TNIK: variants seen among roughly 807,000 people sequenced by gnomAD.
The protein encoded by TNIK is TRAF2 and NCK-interacting protein kinase.
TNIK carries 49 observed loss-of-function variants against 191.3 expected under a neutral mutation model. That is an observed-to-expected ratio of 0.26 (90% CI 0.20 to 0.32). The LOEUF is 0.32. Among genes scored for constraint, TNIK ranks in the 10% least tolerant of loss-of-function variants. The pLI is 1.00. For missense variants in TNIK, 1,155 were observed against 1,702.3 expected (o/e 0.68, Z 5.66); for synonymous variants, 594 against 600.9 (o/e 0.99, Z 0.17).
At chr3:171,122,658 T>A (rs1178426236) in intron 18 of TNIK, among the ~76,000 whole-genome samples, 1 of 152,228 alleles carries the variant, frequency 6.6e-6, no homozygotes, top group Non-Finnish European at 1.5e-5. Flanking sequence ...GATATGTGCA[T>A]GTAATCATAA....
chr3:171,184,918 CAG>C (rs1404050199), intron 7 of TNIK, among the ~76,000 whole-genome samples: 1 of 152,128 alleles, frequency 6.6e-6, no homozygotes, highest in Non-Finnish European at 1.5e-5. Flanking sequence ...GTCTCATAAA[CAG>C]AGTTTAGGCA....
chr3:171,084,397 C>T (rs1721080254), intron 25 of TNIK, 72 bp from the exon 26 acceptor site: 2 of 1,489,772 alleles, frequency 1.3e-6, no homozygotes, highest in South Asian at 1.3e-5. Context: ...CTTCAAAACA[C>T]TATGATTTCT....
At chr3:171,372,109 G>C (rs1379165192) in intron 1 of TNIK, among the ~76,000 whole-genome samples, 1 of 152,108 alleles carries the variant, frequency 6.6e-6, no homozygotes, top group Non-Finnish European at 1.5e-5. Context: ...CTCAGAGCTG[G>C]GGTTAGTAGG....
chr3:171,416,912 A>C (rs1723162230), intron 1 of TNIK, among the ~76,000 whole-genome samples: 1 of 152,236 alleles, frequency 6.6e-6, no homozygotes, highest in African/African-American at 2.4e-5. Flanking sequence ...GGCAGTAGAA[A>C]TGATACCTGG....
chr3:171,414,908 A>G (rs932259270), intron 1 of TNIK, among the ~76,000 whole-genome samples: 1 of 152,198 alleles, frequency 6.6e-6, no homozygotes, highest in African/African-American at 2.4e-5. Context: ...CAGTCTTTCG[A>G]GCCTGTTTTC....
chr3:171,296,835 A>G (rs1752336939), intron 2 of TNIK, among the ~76,000 whole-genome samples: 1 of 152,226 alleles, frequency 6.6e-6, no homozygotes, highest in African/African-American at 2.4e-5. Flanking sequence ...TTCCCTCACA[A>G]AACAACTTTC....
chr3:171,396,156 C>G (rs927418885), intron 1 of TNIK, among the ~76,000 whole-genome samples: 1 of 149,498 alleles, frequency 6.7e-6, no homozygotes, highest in Non-Finnish European at 1.5e-5. Flanking sequence ...CATCTACTTT[C>G]TCTACGGAGT....
At chr3:171,139,605 A>T in intron 13 of TNIK, 49 bp from the exon 14 acceptor site, 1 of 1,589,800 alleles carries the variant, frequency 6.3e-7, no homozygotes. Flanking sequence ...AGAAAGAGAG[A>T]AATGAACCAG....
intron 26 of TNIK, among the ~76,000 whole-genome samples, chr3:171,083,592 G>A (rs776134732): frequency 6.6e-6 from 1 of 152,160 alleles, no homozygotes; most frequent in Non-Finnish European, 1.5e-5. Flanking sequence ...GCAGATTGAT[G>A]TTTTAAACTA....
At chr3:171,313,363 T>C (rs1283509804) in intron 2 of TNIK, among the ~76,000 whole-genome samples, 1 of 152,070 alleles carries the variant, frequency 6.6e-6, no homozygotes, top group Non-Finnish European at 1.5e-5. Flanking sequence ...CCTGTTCATG[T>C]TAAAGATTAG....
At chr3:171,410,593 C>T (rs1424118824) in intron 1 of TNIK, among the ~76,000 whole-genome samples, 1 of 151,972 alleles carries the variant, frequency 6.6e-6, no homozygotes, top group African/African-American at 2.4e-5. Context: ...TCCTGGCTAA[C>T]ACGGTGAAAC....
intron 28 of TNIK, among the ~76,000 whole-genome samples, chr3:171,076,687 G>C (rs565006394): frequency 1.5e-4 from 23 of 152,206 alleles, no homozygotes; most frequent in African/African-American, 5.5e-4. Context: ...AAGAACTCTA[G>C]GGCTTATGAA....
chr3:171,390,463 G>A (rs541810747), intron 1 of TNIK, among the ~76,000 whole-genome samples: 7 of 152,242 alleles, frequency 4.6e-5, no homozygotes, highest in African/African-American at 1.2e-4. Flanking sequence ...CGTTCTCACC[G>A]TCATTCCCTC....
chr3:171,272,584 A>G (rs932286785), intron 2 of TNIK, among the ~76,000 whole-genome samples: 1 of 152,138 alleles, frequency 6.6e-6, no homozygotes, highest in Non-Finnish European at 1.5e-5. Context: ...CCTGTCTTCA[A>G]ATTCACAGAT....
At chr3:171,095,600 A>G (rs887075065) in intron 22 of TNIK, among the ~76,000 whole-genome samples, 1 of 152,202 alleles carries the variant, frequency 6.6e-6, no homozygotes, top group Non-Finnish European at 1.5e-5. Flanking sequence ...ATGAAAGTCC[A>G]AAGAATTACT....
At chr3:171,064,273 G>A (rs563610489) in intron 32 of TNIK, among the ~76,000 whole-genome samples, 9 of 152,228 alleles carry the variant, frequency 5.9e-5, no homozygotes, top group South Asian at 2.1e-4. Flanking sequence ...CTAGGATAAC[G>A]TGCTGGATTT....
rs1046238404 is a variant in TNIK at position 171,401,360 on chromosome 3, C to T, written c.58-31675G>A. On this transcript the variant is annotated intron_variant, in intron 1 of 32. Transcript: ENST00000436636. The stretch of plus-strand genomic sequence containing the variant: ...ACCTACTGAACGGTCCTCTTCAGGA[C>T]GAGGACTAGGCTGAGTTATTTCTAA... Among the ~76,000 whole-genome samples the T allele has an allele frequency of 5.9e-5, 9 of 152,054 alleles. No individual in the cohort carries two copies. The East Asian group carries it at 9.6e-4, about 16-fold the overall frequency.
At chr3:171,395,760 C>T (rs975559228) in intron 1 of TNIK, among the ~76,000 whole-genome samples, 2 of 152,014 alleles carry the variant, frequency 1.3e-5, no homozygotes, top group South Asian at 2.1e-4. Context: ...ATAAATTGAA[C>T]GGAGTGAACA....
intron 2 of TNIK, among the ~76,000 whole-genome samples, chr3:171,249,842 C>A (rs1227098726): frequency 1.3e-5 from 2 of 152,178 alleles, no homozygotes; most frequent in Non-Finnish European, 2.9e-5. Context: ...ACCTAGACTC[C>A]CTAACTGTTC....
Sources: allele counts gnomAD v4.1 joint callset (sites outside exome capture counted in the v4.1 genomes callset), GRCh38; gene constraint gnomAD v4.1.1; transcripts MANE v1.5; gene names NCBI Gene and HGNC (gene_info 2026-07-23, HGNC 2026-07-21).